Variants in CAMTA1 observed in about 807,000 individuals in gnomAD.
CAMTA1 encodes the protein calmodulin binding transcription activator 1, also known as calmodulin-binding transcription activator 1.
A neutral mutation model predicts 170.9 loss-of-function variants in CAMTA1; 27 were observed. The observed-to-expected ratio is 0.16, with a 90% CI of 0.12 to 0.22. The LOEUF (loss-of-function observed/expected upper bound fraction) is 0.22. Among genes scored for constraint, CAMTA1 ranks in the 10% least tolerant of loss-of-function variants. The pLI is 1.00. For synonymous variants in CAMTA1, 833 were observed against 891.5 expected (o/e 0.93, Z 1.17); for missense variants, 1,619 against 2,217.2 (o/e 0.73, Z 5.42).
At position 7,010,171 on chromosome 1, in the gene CAMTA1, G is replaced by C. The variant is rs1189780221; in HGVS notation, c.235-81133G>C. Among the ~76,000 whole-genome samples the C allele has an allele frequency of 6.6e-6, 1 of 152,204 alleles. No individual in the cohort carries two copies. Among genetic ancestry groups the C allele is most frequent in the South Asian group, 2.1e-4 (1 of 4,828 alleles). On this transcript the variant is annotated intron_variant, in intron 3 of 22. Transcript: ENST00000303635. This position sits in a 1 kb window ranked among gnomAD's most constrained non-coding sequence, Gnocchi z 4.4. ...ACCATGGCCTGCAGGACACTGCTGCGAGGAGGGCTTCCTGGAGCTTGGGGA... is the reference window on the plus strand; with the variant it reads ...ACCATGGCCTGCAGGACACTGCTGCCAGGAGGGCTTCCTGGAGCTTGGGGA...
chr1:7,442,428 C>T (rs969382202), intron 5 of CAMTA1, among the ~76,000 whole-genome samples: 4 of 152,064 alleles, frequency 2.6e-5, no homozygotes, highest in South Asian at 2.1e-4. Context: ...ATTTTAATAA[C>T]GAAATATGCA....
intron 4 of CAMTA1, among the ~76,000 whole-genome samples, chr1:7,133,957 T>G (rs1219352783): frequency 6.6e-6 from 1 of 152,134 alleles, no homozygotes; most frequent in East Asian, 1.9e-4. Context: ...GTTACATGGG[T>G]GTATTGTGTG....
In CAMTA1 at chr1:6,820,182, G is replaced by A. The variant is rs1332206519; in HGVS notation, c.47G>A (p.Ser16Asn). 2 of 1,516,324 alleles carry A rather than the reference G, an allele frequency of 1.3e-6. No homozygotes were observed. Among genetic ancestry groups the A allele is most frequent in the African/African-American group, 2.7e-5 (2 of 72,982 alleles). The allele number at this position is 1,516,324 out of a possible 1,614,324, so 93.9% of individuals were successfully genotyped here. The change falls in exon 2 of 23, where the codon AGC (serine) becomes AAC (asparagine). Residue 16 changes from serine to asparagine, a missense_variant and splice_region_variant. Physicochemically the swap from Ser to Asn is conservative, Grantham distance 46. Coordinates refer to ENST00000303635, the MANE Select transcript of CAMTA1 (RefSeq NM_015215.4). ...GKWLPKTSRKSVSQSVFCGTS... is the reference protein window; with the variant it reads ...GKWLPKTSRKNVSQSVFCGTS... Reference sequence around the variant, plus strand: ...ACATTTTATTTTCTGTTTCCTTAGAGCGTTTCCCAAAGTGTATTCTGCGGA... The same window carrying A: ...ACATTTTATTTTCTGTTTCCTTAGAACGTTTCCCAAAGTGTATTCTGCGGA...
chr1:7,150,518 G>A (rs1055969693), intron 4 of CAMTA1, among the ~76,000 whole-genome samples: 9 of 152,130 alleles, frequency 5.9e-5, no homozygotes, highest in Admixed American at 5.9e-4. Flanking sequence ...CGTTGTTAGG[G>A]CCATCCTGGG....
At chr1:7,694,859 G>T (rs1249439315) in intron 11 of CAMTA1, 1 of 152,192 alleles carries the variant, frequency 6.6e-6, no homozygotes, top group Non-Finnish European at 1.5e-5. Context: ...GCCCAGCTGG[G>T]TGCAGACAGG....
intron 11 of CAMTA1, among the ~76,000 whole-genome samples, chr1:7,692,749 A>T (rs542082819): frequency 3.9e-5 from 6 of 152,228 alleles, no homozygotes; most frequent in Admixed American, 1.3e-4. Context: ...TGGGTCATAA[A>T]CTATATGGAA....
At chr1:7,479,987 G>C (rs1273482417) in intron 6 of CAMTA1, among the ~76,000 whole-genome samples, 1 of 152,086 alleles carries the variant, frequency 6.6e-6, no homozygotes, top group Non-Finnish European at 1.5e-5. Flanking sequence ...ATATGTGAAT[G>C]TATGTGCATG....
At chr1:6,861,633 A>C (rs1197284446) in intron 3 of CAMTA1, among the ~76,000 whole-genome samples, 2 of 152,188 alleles carry the variant, frequency 1.3e-5, no homozygotes, top group Admixed American at 1.3e-4. Context: ...GCTGTAGGCT[A>C]ATGTTCTTCA....
intron 3 of CAMTA1, among the ~76,000 whole-genome samples, chr1:6,894,812 C>T (rs1489302997): frequency 1.3e-5 from 2 of 152,190 alleles, no homozygotes; most frequent in Non-Finnish European, 2.9e-5. Context: ...TGGCGGCTTG[C>T]ATTTACATAA....
chr1:7,096,285 G>A (rs900802249), intron 4 of CAMTA1, among the ~76,000 whole-genome samples: 16 of 152,074 alleles, frequency 1.1e-4, no homozygotes, highest in Non-Finnish European at 1.5e-4. Context: ...GTCCATTCCG[G>A]CTTCAAATGC....
At chr1:6,891,375 C>T (rs532581401) in intron 3 of CAMTA1, among the ~76,000 whole-genome samples, 7 of 152,280 alleles carry the variant, frequency 4.6e-5, no homozygotes, top group African/African-American at 1.4e-4. Context: ...GAAATGTTTG[C>T]GCTCAGTCCC....
chr1:7,119,039 C>T (rs527918590), intron 4 of CAMTA1, among the ~76,000 whole-genome samples: 6 of 152,294 alleles, frequency 3.9e-5, no homozygotes, highest in South Asian at 2.1e-4. Context: ...CCCGGATACC[C>T]GTGCAGTTCA....
chr1:7,705,795 C>G (rs1234223580), intron 11 of CAMTA1, among the ~76,000 whole-genome samples: 1 of 152,174 alleles, frequency 6.6e-6, no homozygotes, highest in Admixed American at 6.5e-5. Flanking sequence ...GATTCACCCG[C>G]GTGCACAGGG....
chr1:6,917,257 G>T (rs751001939), intron 3 of CAMTA1, among the ~76,000 whole-genome samples: 5 of 152,136 alleles, frequency 3.3e-5, no homozygotes, highest in Non-Finnish European at 7.3e-5. Flanking sequence ...GGTGTGGCTG[G>T]TGCAGGATGA....
At chr1:6,909,935 T>A (rs1679350825) in intron 3 of CAMTA1, among the ~76,000 whole-genome samples, 1 of 152,356 alleles carries the variant, frequency 6.6e-6, no homozygotes, top group East Asian at 1.9e-4. Flanking sequence ...GTACTTAGGC[T>A]GGTTGCCCCA....
rs537622620 is a variant in CAMTA1 at position 7,284,177 on chromosome 1, CTTATTATTATTATTATTA to C, written c.438+34575_438+34592del. Among the ~76,000 whole-genome samples the C allele has an allele frequency of 3.2e-4, 32 of 99,302 alleles. 1 individual carries two copies. Among genetic ancestry groups the C allele is most frequent in the African/African-American group, 9.2e-4 (23 of 24,994 alleles). The allele number at this position is 99,302 out of a possible 152,430, so 65.1% of individuals were successfully genotyped here. Reference sequence around the variant, plus strand: ...TCTTCTTCTTCTTCTTCTTCTTCTTCTTATTATTATTATTATTATTATTATTATTATTATTATTATTTC... The same window carrying C: ...TCTTCTTCTTCTTCTTCTTCTTCTTCTTATTATTATTATTATTATTATTTC... On this transcript the variant is annotated intron_variant, in intron 5 of 22. Transcript: ENST00000303635.
intron 3 of CAMTA1, among the ~76,000 whole-genome samples, chr1:6,956,883 C>T (rs143069322): frequency 6.6e-6 from 1 of 152,322 alleles, no homozygotes; most frequent in African/African-American, 2.4e-5. Context: ...CACCCTCATC[C>T]CGAGGAGGCA....
chr1:7,425,575 G>A (rs564963456), intron 5 of CAMTA1, among the ~76,000 whole-genome samples: 2 of 152,120 alleles, frequency 1.3e-5, no homozygotes, highest in Admixed American at 6.5e-5. Context: ...GCTATGGGTC[G>A]GGGTGTCTAA....
At chr1:7,752,352 T>C (rs1346264224) in intron 20 of CAMTA1, 107 bp from the exon 21 acceptor site, 1 of 911,626 alleles carries the variant, frequency 1.1e-6, no homozygotes, top group African/African-American at 1.6e-5. Flanking sequence ...GCTGTTGGCT[T>C]TGCTACACGA....
Sources: gnomAD v4.1 joint callset for allele counts (sites outside exome capture counted in the v4.1 genomes callset) on GRCh38, gnomAD v4.1.1 for gene constraint, Gnocchi (gnomAD v3.1) non-coding constraint, MANE v1.5 for transcripts, NCBI Gene and HGNC (gene_info 2026-07-23, HGNC 2026-07-21) for gene names.